SHANK2: variants seen among roughly 807,000 people sequenced by gnomAD.
SHANK2 encodes SH3 and multiple ankyrin repeat domains protein 2.
In SHANK2, 43 loss-of-function variants were observed where a neutral mutation model predicts 133.7. That is an observed-to-expected ratio of 0.32 (90% CI 0.25 to 0.41). The LOEUF (loss-of-function observed/expected upper bound fraction) is 0.41. SHANK2 is among the 10% of genes least tolerant of loss of function. The pLI, the probability that SHANK2 is intolerant of heterozygous loss-of-function variation, is 1.00. For missense variants in SHANK2, 1,994 were observed against 2,235.8 expected (o/e 0.89, Z 2.18); for synonymous variants, 1,017 against 952.8 (o/e 1.07, Z -1.24).
chr11:70,869,153 GGA>G (rs1242862963), intron 11 of SHANK2, among the ~76,000 whole-genome samples: 1 of 152,206 alleles, frequency 6.6e-6, no homozygotes, highest in Non-Finnish European at 1.5e-5. Flanking sequence ...TACAAGCCAA[GGA>G]GAGAGGTCTC....
At chr11:70,513,582 C>A (rs2059230882) in intron 17 of SHANK2, among the ~76,000 whole-genome samples, 1 of 152,104 alleles carries the variant, frequency 6.6e-6, no homozygotes, top group Non-Finnish European at 1.5e-5. Flanking sequence ...CCAGAGATGA[C>A]CCAGATGTTG....
At chr11:71,194,998 C>T (rs1406178918) in intron 2 of SHANK2, among the ~76,000 whole-genome samples, 2 of 152,210 alleles carry the variant, frequency 1.3e-5, no homozygotes, top group Admixed American at 1.3e-4. Context: ...TGAGAACAGA[C>T]ATGAAGAAAG....
chr11:71,134,924 T>C (rs1555104467), intron 3 of SHANK2, among the ~76,000 whole-genome samples: 1 of 152,082 alleles, frequency 6.6e-6, no homozygotes, highest in African/African-American at 2.4e-5. Flanking sequence ...GATTACCCTT[T>C]TCAAATATAA....
intron 10 of SHANK2, chr11:70,942,686 T>C: frequency 2.2e-6 from 1 of 456,902 alleles, no homozygotes; most frequent in Middle Eastern, 3.3e-4. Context: ...CAGATACTTC[T>C]TCAGGATAGA....
chr11:71,230,750 G>A (rs1206835139), intron 1 of SHANK2, among the ~76,000 whole-genome samples: 8 of 152,076 alleles, frequency 5.3e-5, no homozygotes, highest in African/African-American at 1.9e-4. Context: ...ACTCAATACA[G>A]AGCCCAGAAA....
chr11:71,252,236 G>C lies in SHANK2; in HGVS notation c.-113+189C>G, dbSNP rs566729182. Among the ~76,000 whole-genome samples, 252 of 152,154 alleles carry C rather than the reference G, an allele frequency of 1.7e-3. 2 individuals are homozygous for C. Among genetic ancestry groups the C allele is most frequent in the African/African-American group, 5.9e-3 (246 of 41,534 alleles). ...TCTACGGAAAATCGACCCCCACCTG[G>C]ACACGCGGCTCACTCCCCCCAGCGC... On this transcript the variant is annotated intron_variant, in intron 1 of 25. Transcript: ENST00000601538. The surrounding 1 kb of genome is among the most constrained non-coding windows in gnomAD (Gnocchi z 6.3).
At chr11:71,145,832 C>T (rs1952632845) in intron 3 of SHANK2, among the ~76,000 whole-genome samples, 1 of 152,172 alleles carries the variant, frequency 6.6e-6, no homozygotes. Context: ...GGATGCAGAG[C>T]ACTGGGCTTA....
chr11:70,934,985 C>G (rs1190851212), intron 10 of SHANK2, among the ~76,000 whole-genome samples: 1 of 152,216 alleles, frequency 6.6e-6, no homozygotes, highest in East Asian at 1.9e-4. Context: ...GCTAGCCGCC[C>G]TGCTTCCTCT....
At chr11:70,690,207 A>G (rs1945246212) in intron 15 of SHANK2, among the ~76,000 whole-genome samples, 1 of 152,194 alleles carries the variant, frequency 6.6e-6, no homozygotes, top group Admixed American at 6.5e-5. Context: ...GTGATACATC[A>G]GAAAAAGAAT....
At chr11:70,516,192 A>G (rs1402611739) in intron 17 of SHANK2, among the ~76,000 whole-genome samples, 1 of 152,228 alleles carries the variant, frequency 6.6e-6, no homozygotes, top group Non-Finnish European at 1.5e-5. Context: ...AAGGAGGACA[A>G]AGTCACAGGG....
chr11:70,776,880 T>A (rs1947376842), intron 14 of SHANK2, among the ~76,000 whole-genome samples: 1 of 149,668 alleles, frequency 6.7e-6, no homozygotes, highest in East Asian at 2.1e-4. Flanking sequence ...CACCCACCCA[T>A]CCATCCACCC....
chr11:70,940,181 T>TACTTCCTG (rs1950624651), intron 10 of SHANK2, among the ~76,000 whole-genome samples: 1 of 145,056 alleles, frequency 6.9e-6, no homozygotes, highest in Non-Finnish European at 1.5e-5. Context: ...CTTCCTTCCT[T>TACTTCCTG]CCTTACTTCC....
chr11:70,863,696 C>A (rs1245410326), intron 11 of SHANK2: 1 of 421,716 alleles, frequency 2.4e-6, no homozygotes, highest in East Asian at 7.1e-5. Flanking sequence ...GGCACTGGCA[C>A]CCCGTTTCGG....
chr11:70,546,124 GA>G (rs2059692783), intron 17 of SHANK2, among the ~76,000 whole-genome samples: 1 of 90,262 alleles, frequency 1.1e-5, no homozygotes, highest in East Asian at 1.5e-3. Context: ...TTTTTGTAGA[GA>G]TGGGGGTCAC....
rs782564387 is a variant in SHANK2, at chr11:70,486,261, C to T, written c.4032G>A (p.Ser1344=). The T allele has an allele frequency of 1.7e-5, 28 of 1,613,852 alleles. No individual in the cohort carries two copies. The highest frequency in any genetic ancestry group is 2.2e-5 in the East Asian group (1 of 44,872). ...KAEVEMKPDS[S]PSEVPEGVSE... is the part of the protein sequence containing the mutation. Reference sequence around the variant, plus strand: ...AAACACCTTCTGGCACCTCGGACGGCGAGCTGTCTGGCTTCATCTCCACCT... The same window carrying T: ...AAACACCTTCTGGCACCTCGGACGGTGAGCTGTCTGGCTTCATCTCCACCT... Residue 1344 remains serine (S), a synonymous_variant, in exon 25 of 26, where the codon TCG becomes TCA. Transcript: ENST00000601538. The surrounding 1 kb of genome is among the most constrained non-coding windows in gnomAD (Gnocchi z 8.0).
chr11:70,552,544 G>A (rs2059783039), intron 17 of SHANK2, among the ~76,000 whole-genome samples: 1 of 152,230 alleles, frequency 6.6e-6, no homozygotes, highest in African/African-American at 2.4e-5. Context: ...CTAATCTCCA[G>A]GCATTCGTCT....
At chr11:71,149,845 A>AGGAG (rs1555107523) in intron 2 of SHANK2, among the ~76,000 whole-genome samples, 1 of 109,356 alleles carries the variant, frequency 9.1e-6, no homozygotes, top group African/African-American at 3.6e-5. Flanking sequence ...GGAAGGAGAA[A>AGGAG]GGAGGGAGGG....
At chr11:70,849,204 C>T (rs1338682258) in intron 11 of SHANK2, among the ~76,000 whole-genome samples, 1 of 152,210 alleles carries the variant, frequency 6.6e-6, no homozygotes, top group East Asian at 1.9e-4. Context: ...ATTCCAGCTA[C>T]TCAGGAGGCT....
rs57014501 is a variant in SHANK2, at chr11:70,845,215, A to AAAG, written c.1175-24534_1175-24533insCTT. On this transcript the variant is annotated intron_variant, in intron 11 of 25. Coordinates refer to ENST00000601538, the MANE Select transcript of SHANK2 (RefSeq NM_012309.5). ...CTCTGTCTCAAAAAAAAAAAAAAAA[A>AAAG]AAAAGAAAAAGAAAGAAAGAAAAGA... 5.6e-3 allele frequency among the ~76,000 whole-genome samples: 843 copies of AAAG among 149,222 alleles called. 5 individuals carry two copies. Among genetic ancestry groups the AAAG allele is most frequent in the African/African-American group, 0.02 (774 of 39,628 alleles).
Sources: gnomAD v4.1 joint callset for allele counts (sites outside exome capture counted in the v4.1 genomes callset) on GRCh38, gnomAD v4.1.1 for gene constraint, Gnocchi (gnomAD v3.1) non-coding constraint, MANE v1.5 for transcripts, NCBI Gene and HGNC (gene_info 2026-07-23, HGNC 2026-07-21) for gene names.